UNC45A: variants seen among roughly 807,000 people sequenced by gnomAD.
UNC45A encodes the protein protein unc-45 homolog A.
A neutral mutation model predicts 103.2 loss-of-function variants in UNC45A; 78 were observed. The observed-to-expected ratio is 0.76, with a 90% CI of 0.63 to 0.91. UNC45A has a LOEUF of 0.91. Ranked by LOEUF, UNC45A falls within the 40% of genes least tolerant of loss-of-function variation. The pLI is 0.00. For missense variants in UNC45A, 1,193 were observed against 1,224.8 expected, an observed-to-expected ratio of 0.97 and a Z score of 0.39; for synonymous variants, 495 against 504.6, an observed-to-expected ratio of 0.98 and a Z score of 0.25.
Position 90,935,833 on chromosome 15 carries a change from C to T in UNC45A, c.214-113C>T, listed in dbSNP as rs527913315. ...CCCGCTTGCCAGATGTTTTTTGCAC[C>T]TCAGGGTGGTGGGGGATCGGGTGAC... On this transcript the variant is annotated intron_variant, in intron 2 of 19. Transcript: ENST00000418476. 7.7e-4 allele frequency: 1,201 copies of T among 1,568,350 alleles called. 1 individual carries two copies. Among genetic ancestry groups the T allele is most frequent in the Non-Finnish European group, 1.0e-3 (1,158 of 1,157,148 alleles).
chr15:90,932,523 C>T, upstream of UNC45A: 1 of 1,292,454 alleles, frequency 7.7e-7, no homozygotes, highest in Non-Finnish European at 9.8e-7. Context: ...CCAGCAGCTG[C>T]GCCGCCTCAG....
Position 90,935,346 on chromosome 15 carries a change from AC to A in UNC45A, c.27del (p.Glu10SerfsTer93). On this transcript the variant is annotated frameshift_variant, in exon 1 of 20. Coordinates refer to ENST00000418476, the MANE Select transcript of UNC45A (RefSeq NM_018671.5). LOFTEE classifies it high-confidence loss of function. MTVSGPG[T>X]PEPRPATPGA... Reference sequence around the variant, plus strand: ...CGCGATGACTGTGAGTGGTCCAGGGACCCCCGAGCCCCGGCCGGCCACCCCC... The same window carrying A: ...CGCGATGACTGTGAGTGGTCCAGGGACCCCGAGCCCCGGCCGGCCACCCCC... 2 of 1,601,154 alleles carry A rather than the reference AC, an allele frequency of 1.2e-6. No homozygotes were observed. The highest frequency in any genetic ancestry group is 2.3e-5 in the East Asian group (1 of 44,244).
intron 4 of UNC45A, 55 bp from the exon 5 acceptor site, chr15:90,939,676 G>A (rs2036189506): frequency 1.9e-6 from 3 of 1,578,512 alleles, no homozygotes; most frequent in Admixed American, 1.7e-5. Flanking sequence ...AATAGGGAGT[G>A]TGATGTCTCT....
At chr15:90,948,035 C>T in intron 11 of UNC45A, 107 bp from the exon 12 acceptor site, 1 of 1,549,754 alleles carries the variant, frequency 6.5e-7, no homozygotes, top group Non-Finnish European at 8.8e-7. Flanking sequence ...TGAACTGCTT[C>T]TGTACATTGA....
chr15:90,952,577 T>C (rs1024754634), intron 17 of UNC45A: 3 of 241,028 alleles, frequency 1.2e-5, no homozygotes, highest in African/African-American at 4.4e-5. Flanking sequence ...CGCACCAGCA[T>C]ACCCAGCTAA....
Position 90,948,813 on chromosome 15 carries a change from G to T in UNC45A, c.1878+19G>T, listed in dbSNP as rs201559948. On this transcript the variant is annotated intron_variant, in intron 13 of 19. Transcript: ENST00000418476. ...CCCCAAGGTGAGGGGCCGCCAGAGG[G>T]GCTAGAGGGTTCCCCACCATGGGGA... The T allele has an allele frequency of 1.3e-6, 2 of 1,580,852 alleles. No individual in the cohort carries two copies. The highest frequency in any genetic ancestry group is 1.3e-5 in the African/African-American group (1 of 74,248).
At chr15:90,938,158 T>A (rs563782315) in intron 4 of UNC45A, among the ~76,000 whole-genome samples, 2 of 152,280 alleles carry the variant, frequency 1.3e-5, no homozygotes, top group East Asian at 1.9e-4. Flanking sequence ...TACATCAAAA[T>A]GATAACACGG....
At chr15:90,935,916 T>G (rs2035991700) in intron 2 of UNC45A, 30 bp from the exon 3 acceptor site, 1 of 1,613,820 alleles carries the variant, frequency 6.2e-7, no homozygotes, top group African/African-American at 1.3e-5. Context: ...GAGATGACCA[T>G]TCCTTCAGGC....
In UNC45A at chr15:90,953,903, C is replaced by T. The variant is rs1245729886; in HGVS notation, c.*187C>T. ...GTTCAGTCACACAGCCCTGCTTGGC[C>T]AGCACTGCCTGCAGCCTCACTCAGA... On this transcript the variant is annotated 3_prime_UTR_variant, in exon 20 of 20. Coordinates refer to ENST00000418476, the MANE Select transcript of UNC45A (RefSeq NM_018671.5). The T allele has an allele frequency of 6.2e-6, 5 of 803,194 alleles. No individual in the cohort carries two copies. The highest frequency in any genetic ancestry group is 9.6e-6 in the Non-Finnish European group (5 of 518,704). The allele number at this position is 803,194 out of a possible 1,614,324, so 49.8% of individuals were successfully genotyped here.
rs754089375 is a variant in UNC45A at position 90,942,430 on chromosome 15, A to G, written c.688-7A>G. On this transcript the variant is annotated splice_region_variant and splice_polypyrimidine_tract_variant and intron_variant, in intron 6 of 19. Coordinates refer to ENST00000418476, the MANE Select transcript of UNC45A (RefSeq NM_018671.5). ...AAGCTTCCTTCTGTTTACCTCTCCCACCCCAGACAGTGGCAACCCTGAGCA... is the reference window on the plus strand; with the variant it reads ...AAGCTTCCTTCTGTTTACCTCTCCCGCCCCAGACAGTGGCAACCCTGAGCA... The G allele has an allele frequency of 6.2e-7, 1 of 1,602,414 alleles. No homozygotes were observed. The highest frequency in any genetic ancestry group is 2.2e-5 in the East Asian group (1 of 44,622).
At position 90,935,619 on chromosome 15, in the gene UNC45A, G is replaced by T. The variant is rs147332546; in HGVS notation, c.127G>T (p.Ala43Ser). Reference sequence around the variant, plus strand: ...TGGAGACTACGGGGGCGCCCTGGCGGCCTACACTCAGGCCCTGGGTCTGGA... The same window carrying T: ...TGGAGACTACGGGGGCGCCCTGGCGTCCTACACTCAGGCCCTGGGTCTGGA... ...KCGDYGGALA[A>S]YTQALGLDAT... The change falls in exon 2 of 20, where the codon GCC becomes TCC. Residue 43 changes from alanine (A) to serine (S), a missense_variant. Transcript: ENST00000418476. The T allele has an allele frequency of 3.7e-6, 6 of 1,612,816 alleles. No individual in the cohort carries two copies. The highest frequency in any genetic ancestry group is 5.1e-6 in the Non-Finnish European group (6 of 1,179,558).
chr15:90,931,950 G>A (rs200680048), upstream of UNC45A: 42 of 1,613,776 alleles, frequency 2.6e-5, no homozygotes, highest in African/African-American at 4.8e-4. Context: ...GCCGCCTGGG[G>A]ACAAGTTCCC....
upstream of UNC45A, chr15:90,930,839 G>C (rs2035764482): frequency 1.0e-5 from 2 of 197,506 alleles, no homozygotes; most frequent in South Asian, 1.5e-4. Flanking sequence ...GTGACTCCGG[G>C]ACACACAATT....
intron 11 of UNC45A, 32 bp downstream of exon 11, chr15:90,947,922 C>A: frequency 6.3e-7 from 1 of 1,595,658 alleles, no homozygotes; most frequent in Non-Finnish European, 8.6e-7. Context: ...TGGTTCCCCA[C>A]CTGTGGGGTA....
In UNC45A at chr15:90,949,949, C is replaced by A. The variant is rs952587719; in HGVS notation, c.2074-205C>A. 7.5e-6 allele frequency: 5 copies of A among 662,800 alleles called. No homozygotes were observed. The Admixed American group carries it at 1.1e-4, about 15-fold the overall frequency. The allele number at this position is 662,800 out of a possible 1,614,324, so 41.1% of individuals were successfully genotyped here. The stretch of plus-strand genomic sequence containing the variant: ...CTCTACTGTTCCTTTGTCTCATTTA[C>A]CCCCATGGCCCTGGTGCTCAGCACA... On this transcript the variant is annotated intron_variant, in intron 15 of 19. Transcript: ENST00000418476.
At chr15:90,952,637 C>T (rs1170438552) in intron 17 of UNC45A, 1 of 361,002 alleles carries the variant, frequency 2.8e-6, no homozygotes, top group Non-Finnish European at 5.2e-6. Context: ...GTTGGCCAGG[C>T]TGGTCTCGAA....
chr15:90,947,656 AGG>A (rs1270535319), intron 10 of UNC45A, 138 bp from the exon 11 acceptor site: 3 of 635,564 alleles, frequency 4.7e-6, no homozygotes, highest in Admixed American at 4.8e-5. Flanking sequence ...GGTGGTCTGG[AGG>A]GAGAGGGTGC....
intron 17 of UNC45A, among the ~76,000 whole-genome samples, chr15:90,951,190 A>C (rs2036892012): frequency 6.6e-6 from 1 of 152,106 alleles, no homozygotes; most frequent in Non-Finnish European, 1.5e-5. Context: ...GTATTTTTGT[A>C]GAGATGGCGC....
Position 90,945,028 on chromosome 15 carries a change from G to A in UNC45A, c.1164G>A (p.Arg388=). 6.2e-7 allele frequency: 1 copy of A among 1,613,010 alleles called. No homozygotes were observed. Among genetic ancestry groups the A allele is most frequent in the East Asian group, 2.2e-5 (1 of 44,888 alleles). ...ATGACCTCAAGTGTGATGCGGAGAG[G>A]GAGAATTTCCACAGACTTTGTGAAA... ...LFDDLKCDAE[R]ENFHRLCENY... The change falls in exon 9 of 20, where the codon AGG becomes AGA. Residue 388 remains arginine, a synonymous_variant. Coordinates refer to ENST00000418476, the MANE Select transcript of UNC45A (RefSeq NM_018671.5).
Sources: allele counts gnomAD v4.1 joint callset (sites outside exome capture counted in the v4.1 genomes callset), GRCh38; gene constraint gnomAD v4.1.1; transcripts MANE v1.5; gene names NCBI Gene and HGNC (gene_info 2026-07-23, HGNC 2026-07-21).